Variants in CLEC6A observed in about 807,000 individuals in gnomAD.
The protein encoded by CLEC6A is C-type lectin domain containing 6A.
CLEC6A carries 22 observed loss-of-function variants against 25.7 expected under a neutral mutation model. The ratio of observed to expected loss-of-function variants is 0.85; its 90% CI spans 0.61 to 1.22. CLEC6A has a LOEUF of 1.22. CLEC6A is among the 50% of genes most tolerant of loss of function. CLEC6A has a pLI of 0.00. For synonymous variants in CLEC6A, 92 were observed against 76.7 expected (o/e 1.20, Z -1.04); for missense variants, 240 against 236.8 (o/e 1.01, Z -0.09).
intron 4 of CLEC6A, among the ~76,000 whole-genome samples, chr12:8,475,698 G>A (rs1245051975): frequency 6.6e-6 from 1 of 151,998 alleles, no homozygotes; most frequent in Non-Finnish European, 1.5e-5. Flanking sequence ...ACTGGGGAGG[G>A]CAATCTACTA....
intron 2 of CLEC6A, among the ~76,000 whole-genome samples, chr12:8,459,347 G>A (rs184514076): frequency 2.0e-5 from 3 of 152,170 alleles, no homozygotes; most frequent in African/African-American, 4.8e-5. Flanking sequence ...TGGGAAACAG[G>A]CAGAATCTCT....
At position 8,459,956 on chromosome 12, in the gene CLEC6A, C is replaced by G. The variant is rs537199791; in HGVS notation, c.223+258C>G. Among the ~76,000 whole-genome samples the G allele has an allele frequency of 2.6e-5, 4 of 152,260 alleles. No individual in the cohort carries two copies. The East Asian group carries it at 5.8e-4, about 22-fold the overall frequency. On this transcript the variant is annotated intron_variant, in intron 3 of 5. Transcript: ENST00000382073. Reference sequence around the variant, plus strand: ...ATGCATGTAATTTGCTCAGGCCAACCCTGGAAATTATTTATAACAATTCTT... The same window carrying G: ...ATGCATGTAATTTGCTCAGGCCAACGCTGGAAATTATTTATAACAATTCTT...
At chr12:8,464,452 C>T (rs1939804089) in intron 3 of CLEC6A, among the ~76,000 whole-genome samples, 1 of 151,942 alleles carries the variant, frequency 6.6e-6, no homozygotes, top group African/African-American at 2.4e-5. Context: ...GCCTCAGCCT[C>T]CAGAGTGCTG....
Position 8,456,048 on chromosome 12 carries a change from C to A in CLEC6A, c.-64C>A. ...CTTTAAATGAAGCTGAGTCTCTGGG[C>A]AACATCTTTAGGGAGAGAGGTACAA... On this transcript the variant is annotated 5_prime_UTR_variant, in exon 1 of 6. Transcript: ENST00000382073. 5.2e-6 allele frequency: 8 copies of A among 1,534,634 alleles called. No individual in the cohort carries two copies. The highest frequency in any genetic ancestry group is 2.3e-5 in the South Asian group (2 of 88,746).
At chr12:8,456,780 C>T (rs7969317) in intron 1 of CLEC6A, among the ~76,000 whole-genome samples, 113,852 of 151,560 alleles carry the variant, frequency 0.75, 43,185 homozygotes, top group East Asian at 0.99. Flanking sequence ...TGGAACATTC[C>T]AAATCTACTC....
rs138593896 is a variant in CLEC6A, at chr12:8,476,000, C to G, written c.370-125C>G. Reference sequence around the variant, plus strand: ...CCTGTACTCCTGGTCAGAAGGCCATCATGTGACTGCTCCTTGCACCTTGTG... The same window carrying G: ...CCTGTACTCCTGGTCAGAAGGCCATGATGTGACTGCTCCTTGCACCTTGTG... On this transcript the variant is annotated intron_variant, in intron 4 of 5. Coordinates refer to ENST00000382073, the MANE Select transcript of CLEC6A (RefSeq NM_001007033.2). The G allele has an allele frequency of 4.9e-3, 2,766 of 567,608 alleles. 15 individuals are homozygous for G. The highest frequency in any genetic ancestry group is 7.1e-3 in the Non-Finnish European group (2,319 of 326,206). 35.2% of individuals were successfully genotyped at this position (567,608 alleles called of 1,614,324 possible).
At chr12:8,469,319 T>C (rs1939874817) in intron 4 of CLEC6A, among the ~76,000 whole-genome samples, 1 of 152,132 alleles carries the variant, frequency 6.6e-6, no homozygotes, top group African/African-American at 2.4e-5. Context: ...CCTATGCTCA[T>C]GGATGATTAG....
chr12:8,465,812 A>G (rs960819639), intron 4 of CLEC6A, among the ~76,000 whole-genome samples, 183 bp downstream of exon 4: 1 of 152,148 alleles, frequency 6.6e-6, no homozygotes, highest in Non-Finnish European at 1.5e-5. Flanking sequence ...AACAACAACT[A>G]CCCATTTCCC....
rs1431778608 is a variant in CLEC6A at position 8,459,474 on chromosome 12, T to C, written c.122-123T>C. ...GCAAATAATAATTTGGCATGGTTTT[T>C]ATGGGGCTTGCCTAGAGAAACAGCA... On this transcript the variant is annotated intron_variant, in intron 2 of 5. Transcript: ENST00000382073. 9 of 605,246 alleles carry C rather than the reference T, an allele frequency of 1.5e-5. No homozygotes were observed. In the East Asian group the frequency reaches 2.0e-4, roughly 14 times the overall value. The allele number at this position is 605,246 out of a possible 1,614,324, so 37.5% of individuals were successfully genotyped here. A position where few individuals can be genotyped will look rare whatever the true frequency, so the allele number is the denominator to read the frequency against.
chr12:8,465,717 C>T (rs1165869308), intron 4 of CLEC6A, 88 bp downstream of exon 4: 1 of 1,112,782 alleles, frequency 9.0e-7, no homozygotes, highest in Non-Finnish European at 1.2e-6. Context: ...GTGTACTGTT[C>T]AGTAGCATTT....
intron 4 of CLEC6A, among the ~76,000 whole-genome samples, chr12:8,466,390 T>C (rs1378599294): frequency 6.6e-6 from 1 of 152,204 alleles, no homozygotes; most frequent in Non-Finnish European, 1.5e-5. Context: ...TTTAATTCTT[T>C]GGATATATAC....
chr12:8,470,401 T>C (rs4473008), intron 4 of CLEC6A, among the ~76,000 whole-genome samples: 118,293 of 152,008 alleles, frequency 0.78, 46,412 homozygotes, highest in East Asian at 0.99. Context: ...AAAAGCAGAA[T>C]TACCTTTGAT....
chr12:8,457,848 G>A, intron 1 of CLEC6A, 50 bp from the exon 2 acceptor site: 1 of 1,338,418 alleles, frequency 7.5e-7, no homozygotes, highest in Non-Finnish European at 1.1e-6. Context: ...TGGGGATTTT[G>A]GCTCCCTGGC....
At chr12:8,459,210 CTTCT>C (rs1383852534) in intron 2 of CLEC6A, among the ~76,000 whole-genome samples, 3 of 151,832 alleles carry the variant, frequency 2.0e-5, no homozygotes, top group African/African-American at 4.8e-5. Context: ...TTCAGACTTC[CTTCT>C]TTTTTTATAA....
intron 4 of CLEC6A, among the ~76,000 whole-genome samples, chr12:8,475,208 CAG>C (rs1486115639): frequency 6.6e-6 from 1 of 152,002 alleles, no homozygotes; most frequent in African/African-American, 2.4e-5. Context: ...AAGAAGTACT[CAG>C]GGGAGTAGAG....
chr12:8,465,859 C>T (rs144695404), intron 4 of CLEC6A, among the ~76,000 whole-genome samples: 7 of 152,232 alleles, frequency 4.6e-5, no homozygotes, highest in African/African-American at 1.2e-4. Flanking sequence ...CCTCTGCTTT[C>T]TGTTTCTATG....
intron 4 of CLEC6A, among the ~76,000 whole-genome samples, chr12:8,473,361 G>T (rs1256636352): frequency 6.6e-6 from 1 of 152,098 alleles, no homozygotes; most frequent in Non-Finnish European, 1.5e-5. Context: ...ATTCACTTAG[G>T]ATAATGGCCT....
intron 1 of CLEC6A, among the ~76,000 whole-genome samples, chr12:8,456,642 G>A (rs907962270): frequency 6.6e-6 from 1 of 152,084 alleles, no homozygotes; most frequent in African/African-American, 2.4e-5. Flanking sequence ...AATTTTTTAT[G>A]GATACAAAAT....
At chr12:8,461,361 G>A in intron 3 of CLEC6A, 1 of 407,016 alleles carries the variant, frequency 2.5e-6, no homozygotes, top group South Asian at 3.2e-5. Flanking sequence ...GTGGAACACT[G>A]TTTCAACAAC....
Sources: gnomAD v4.1 joint callset for allele counts (sites outside exome capture counted in the v4.1 genomes callset) on GRCh38, gnomAD v4.1.1 for gene constraint, MANE v1.5 for transcripts, NCBI Gene and HGNC (gene_info 2026-07-23, HGNC 2026-07-21) for gene names.